The following CTNNA3 variants were observed in gnomAD, a reference collection of about 807,000 sequenced individuals.
CTNNA3 encodes the protein catenin alpha 3, also known as catenin alpha-3.
Under a neutral mutation model 95.7 loss-of-function variants are expected in CTNNA3, and 76 were observed. That is an observed-to-expected ratio of 0.79 (90% CI 0.66 to 0.96). CTNNA3 has a LOEUF of 0.96. Ranked by LOEUF, CTNNA3 falls within the 40% of genes least tolerant of loss-of-function variation. The pLI, the probability that CTNNA3 is intolerant of heterozygous loss-of-function variation, is 0.00. For synonymous variants in CTNNA3, 431 were observed against 374.4 expected (o/e 1.15, Z -1.74); for missense variants, 1,191 against 1,089.8 (o/e 1.09, Z -1.31).
chr10:66,804,665 T>A (rs571626816), intron 7 of CTNNA3, among the ~76,000 whole-genome samples: 61 of 152,232 alleles, frequency 4.0e-4, no homozygotes, highest in African/African-American at 1.3e-3. Flanking sequence ...TAAACACCTG[T>A]AACATAAAAT....
chr10:67,636,843 C>A (rs1839332094), intron 2 of CTNNA3, among the ~76,000 whole-genome samples: 1 of 152,134 alleles, frequency 6.6e-6, no homozygotes, highest in Non-Finnish European at 1.5e-5. Context: ...GAAAGGACAT[C>A]CACACCAAAA....
chr10:67,728,231 A>T (rs1330470299), intron 1 of CTNNA3, among the ~76,000 whole-genome samples: 2 of 148,674 alleles, frequency 1.3e-5, no homozygotes, highest in Non-Finnish European at 3.0e-5. Context: ...AGGCAGGAGG[A>T]TCACTTGATG....
intron 13 of CTNNA3, among the ~76,000 whole-genome samples, chr10:66,157,503 A>ATATG (rs2084596353): frequency 2.0e-5 from 1 of 51,074 alleles, no homozygotes; most frequent in African/African-American, 5.7e-5. Context: ...AGATAGATAG[A>ATATG]TAGATAGATA....
intron 9 of CTNNA3, among the ~76,000 whole-genome samples, chr10:66,754,336 T>C (rs1839282489): frequency 6.6e-6 from 1 of 152,178 alleles, no homozygotes; most frequent in African/African-American, 2.4e-5. Context: ...ATTGGACTCT[T>C]ACCTAACACC....
rs908761261 is a variant in CTNNA3 at position 66,700,935 on chromosome 10, C to T, written c.1281+65329G>A. 2.6e-5 allele frequency among the ~76,000 whole-genome samples: 4 copies of T among 152,208 alleles called. No homozygotes were observed. In the South Asian group the frequency reaches 6.2e-4, roughly 24 times the overall value. Reference sequence around the variant, plus strand: ...CAATAAATAGCATTTTACATTTCGTCCCTTTTTTCCTTTCTCTCTCATACT... The same window carrying T: ...CAATAAATAGCATTTTACATTTCGTTCCTTTTTTCCTTTCTCTCTCATACT... On this transcript the variant is annotated intron_variant, in intron 9 of 17. Transcript: ENST00000433211.
intron 5 of CTNNA3, among the ~76,000 whole-genome samples, chr10:67,295,640 C>T (rs1347226867): frequency 1.3e-5 from 2 of 152,124 alleles, no homozygotes; most frequent in African/African-American, 4.8e-5. Context: ...ATGTACCCAG[C>T]CACTCACAGC....
chr10:66,751,029 G>A (rs906481738), intron 9 of CTNNA3, among the ~76,000 whole-genome samples: 1 of 152,086 alleles, frequency 6.6e-6, no homozygotes, highest in Non-Finnish European at 1.5e-5. Context: ...CAGCACTTTG[G>A]GAGGCCAAGG....
At chr10:67,224,708 C>T (rs1291195105) in intron 5 of CTNNA3, among the ~76,000 whole-genome samples, 1 of 152,102 alleles carries the variant, frequency 6.6e-6, no homozygotes, top group Non-Finnish European at 1.5e-5. Context: ...GCAGAAAGTC[C>T]CTAGGAGCTC....
At chr10:66,270,631 G>A (rs1436071193) in intron 13 of CTNNA3, among the ~76,000 whole-genome samples, 2 of 152,158 alleles carry the variant, frequency 1.3e-5, no homozygotes, top group Non-Finnish European at 1.5e-5. Flanking sequence ...CAAACGCTAC[G>A]CAAGCATAAA....
chr10:67,638,192 A>G (rs1378549551), intron 2 of CTNNA3, among the ~76,000 whole-genome samples: 3 of 152,196 alleles, frequency 2.0e-5, no homozygotes, highest in Non-Finnish European at 4.4e-5. Flanking sequence ...ATGGAAAACA[A>G]AAAAAGGCAG....
At chr10:66,181,881 G>A (rs984204316) in intron 13 of CTNNA3, among the ~76,000 whole-genome samples, 1 of 152,042 alleles carries the variant, frequency 6.6e-6, no homozygotes, top group African/African-American at 2.4e-5. Context: ...CAAACCATTA[G>A]GCATGTTTTC....
intron 7 of CTNNA3, among the ~76,000 whole-genome samples, chr10:67,074,639 C>T (rs879463717): frequency 2.0e-5 from 3 of 152,098 alleles, no homozygotes; most frequent in Non-Finnish European, 4.4e-5. Context: ...CGTGAGCCAC[C>T]GCGCCCAACC....
chr10:67,598,295 G>A (rs1842983969), intron 3 of CTNNA3, among the ~76,000 whole-genome samples: 1 of 152,076 alleles, frequency 6.6e-6, no homozygotes, highest in African/African-American at 2.4e-5. Context: ...GGATCATGGG[G>A]TCTCCTGCAC....
chr10:66,017,730 G>A (rs2079122818), intron 15 of CTNNA3, among the ~76,000 whole-genome samples: 2 of 151,978 alleles, frequency 1.3e-5, no homozygotes, highest in African/African-American at 2.4e-5. Context: ...ATTGTTAACC[G>A]ACAAAATGCT....
chr10:66,418,237 G>A (rs1442544003), intron 11 of CTNNA3, among the ~76,000 whole-genome samples: 5 of 151,218 alleles, frequency 3.3e-5, no homozygotes, highest in Non-Finnish European at 5.9e-5. Flanking sequence ...AGACTATCAC[G>A]GAAAACTGTA....
At chr10:66,362,892 A>T (rs976349455) in intron 12 of CTNNA3, among the ~76,000 whole-genome samples, 2 of 152,206 alleles carry the variant, frequency 1.3e-5, no homozygotes, top group South Asian at 2.1e-4. Context: ...TGTCATTAAG[A>T]TAACTATTAA....
chr10:67,197,622 T>A (rs10997567), intron 6 of CTNNA3, among the ~76,000 whole-genome samples: 11,374 of 152,156 alleles, frequency 0.075, 607 homozygotes, highest in African/African-American at 0.15. Flanking sequence ...CCCTGAGGTC[T>A]TCCCCATATT....
intron 11 of CTNNA3, among the ~76,000 whole-genome samples, chr10:66,472,214 A>G (rs1839161468): frequency 6.6e-6 from 1 of 151,896 alleles, no homozygotes; most frequent in Admixed American, 6.6e-5. Context: ...AACAAAGTAG[A>G]ATGAATTTAG....
At chr10:67,188,889 G>C (rs886653317) in intron 6 of CTNNA3, among the ~76,000 whole-genome samples, 2 of 152,038 alleles carry the variant, frequency 1.3e-5, no homozygotes, top group African/African-American at 4.8e-5. Flanking sequence ...GTGGGTGGCT[G>C]GTGGCTGGTT....
Sources: allele counts gnomAD v4.1 joint callset (sites outside exome capture counted in the v4.1 genomes callset), GRCh38; gene constraint gnomAD v4.1.1; transcripts MANE v1.5; gene names NCBI Gene and HGNC (gene_info 2026-07-23, HGNC 2026-07-21).